Variants in ZFHX3 observed in about 807,000 individuals in gnomAD.
The protein encoded by ZFHX3 is zinc finger homeobox protein 3.
ZFHX3 carries 42 observed loss-of-function variants against 279.1 expected under a neutral mutation model. The ratio of observed to expected loss-of-function variants is 0.15; its 90% CI spans 0.12 to 0.19. The LOEUF is 0.19. ZFHX3 is among the 10% of genes least tolerant of loss of function. ZFHX3 has a pLI of 1.00. For missense variants in ZFHX3, 4,981 were observed against 4,754.0 expected (o/e 1.05, Z -1.40); for synonymous variants, 2,293 against 1,957.8 (o/e 1.17, Z -4.52).
At position 72,931,478 on chromosome 16, in the gene ZFHX3, C is replaced by T. The variant is rs560067804; in HGVS notation, c.3216+18991G>A. Among the ~76,000 whole-genome samples the T allele has an allele frequency of 1.1e-4, 15 of 140,128 alleles. No homozygotes were observed. The East Asian group carries it at 1.9e-3, about 17-fold the overall frequency. 91.9% of individuals were successfully genotyped at this position (140,128 alleles called of 152,430 possible). On this transcript the variant is annotated intron_variant, in intron 3 of 9. Coordinates refer to ENST00000268489, the MANE Select transcript of ZFHX3 (RefSeq NM_006885.4). ...ACACTCTTCAGCTTTCAAAAGAGGTCGGGGGAAGGGAGAAAACAATCATGA... is the reference window on the plus strand; with the variant it reads ...ACACTCTTCAGCTTTCAAAAGAGGTTGGGGGAAGGGAGAAAACAATCATGA...
chr16:73,828,200 TG>T, intron 1 of ZFHX3, among the ~76,000 whole-genome samples: 1 of 61,778 alleles, frequency 1.6e-5, no homozygotes, highest in African/African-American at 7.3e-5. Flanking sequence ...GTTTAAAGTC[TG>T]TTTTATCAGA....
chr16:73,554,062 T>C (rs1008596599), intron 2 of ZFHX3, among the ~76,000 whole-genome samples: 7 of 152,284 alleles, frequency 4.6e-5, no homozygotes, highest in Admixed American at 1.3e-4. Context: ...GGGAGTTAAG[T>C]AAATAAATTT....
chr16:73,705,388 G>A (rs985677915), intron 1 of ZFHX3, among the ~76,000 whole-genome samples: 3 of 152,096 alleles, frequency 2.0e-5, no homozygotes, highest in Non-Finnish European at 4.4e-5. Context: ...GGTGAGAGCA[G>A]CAAAGTAAAC....
intron 3 of ZFHX3, among the ~76,000 whole-genome samples, chr16:73,446,126 T>C (rs1273121790): frequency 6.6e-6 from 1 of 152,196 alleles, no homozygotes; most frequent in Non-Finnish European, 1.5e-5. Context: ...AGTTATGGTC[T>C]ATTAAGGTGT....
rs1272436540 is a variant in ZFHX3, at chr16:73,265,536, G to A, written c.-1193-8400C>T. On this transcript the variant is annotated intron_variant, in intron 4 of 17. Transcript: ENST00000641206. ...CAGGACTCTTGGAATAAGCTGAGATGCATTGACCACGCAGTTTGGAGCAAA... is the reference window on the plus strand; with the variant it reads ...CAGGACTCTTGGAATAAGCTGAGATACATTGACCACGCAGTTTGGAGCAAA... Among the ~76,000 whole-genome samples the A allele has an allele frequency of 2.6e-5, 4 of 152,178 alleles. No homozygotes were observed. In the East Asian group the frequency reaches 7.7e-4, roughly 29 times the overall value.
intron 2 of ZFHX3, among the ~76,000 whole-genome samples, chr16:73,552,255 T>C (rs1482638952): frequency 2.0e-5 from 3 of 152,332 alleles, no homozygotes; most frequent in Admixed American, 6.5e-5. Context: ...CTGCTTTCGG[T>C]AATTTTTCCC....
intron 1 of ZFHX3, among the ~76,000 whole-genome samples, chr16:73,844,780 G>C (rs1597140788): frequency 6.6e-6 from 1 of 151,820 alleles, no homozygotes; most frequent in East Asian, 1.9e-4. Flanking sequence ...AGACAATACA[G>C]AGATTAGTAG....
chr16:73,841,170 T>C (rs1284122966), intron 1 of ZFHX3, among the ~76,000 whole-genome samples: 1 of 152,126 alleles, frequency 6.6e-6, no homozygotes, highest in African/African-American at 2.4e-5. Context: ...CCTCACCCCA[T>C]ACCAGCCAGG....
intron 5 of ZFHX3, chr16:72,821,835 G>T (rs1222958960): frequency 6.6e-6 from 1 of 152,198 alleles, no homozygotes; most frequent in Non-Finnish European, 1.5e-5. Flanking sequence ...GCAAACATTT[G>T]TTGCTATGGT....
intron 6 of ZFHX3, among the ~76,000 whole-genome samples, chr16:73,131,956 A>C (rs1966691385): frequency 6.6e-6 from 1 of 152,100 alleles, no homozygotes; most frequent in African/African-American, 2.4e-5. Context: ...CAGAGATGCT[A>C]GGTATTATTA....
intron 5 of ZFHX3, among the ~76,000 whole-genome samples, chr16:73,163,038 G>A (rs987543241): frequency 5.9e-5 from 9 of 152,140 alleles, no homozygotes; most frequent in Admixed American, 4.6e-4. Context: ...GGATTTGATA[G>A]TGATTGGTAG....
intron 2 of ZFHX3, among the ~76,000 whole-genome samples, chr16:73,560,918 G>A (rs554782715): frequency 1.2e-4 from 19 of 152,232 alleles, no homozygotes; most frequent in African/African-American, 4.6e-4. Flanking sequence ...GGAAGATTTA[G>A]CCAAATAGGC....
chr16:73,610,772 T>C (rs1332852543), intron 2 of ZFHX3, among the ~76,000 whole-genome samples: 1 of 152,210 alleles, frequency 6.6e-6, no homozygotes, highest in Non-Finnish European at 1.5e-5. Context: ...AACAAATATG[T>C]TTATTTTCTC....
chr16:73,543,088 G>T (rs1638622260), intron 2 of ZFHX3, among the ~76,000 whole-genome samples: 1 of 152,176 alleles, frequency 6.6e-6, no homozygotes, highest in African/African-American at 2.4e-5. Flanking sequence ...TGAGGAGGAG[G>T]CTCGGCTCGG....
At chr16:73,303,228 G>A (rs953383994) in intron 4 of ZFHX3, among the ~76,000 whole-genome samples, 1 of 152,052 alleles carries the variant, frequency 6.6e-6, no homozygotes. Flanking sequence ...GGGTCTTGCT[G>A]TGTTGCCCAG....
rs1438881794 is a variant in ZFHX3 at position 72,797,951 on chromosome 16, A to T, written c.4731T>A (p.Leu1577=). Residue 1577 remains leucine (L), a synonymous_variant, in exon 9 of 10, where the codon CTT becomes CTA. Transcript: ENST00000268489. ...VSHLHKLKRA[L]QESATGQPEP... is the part of the protein sequence containing the mutation. ...CTGGCTGACCGGTTGCTGATTCTTG[A>T]AGGGCTCTCTTTAACTTATGCAGGT... is the stretch of plus-strand genomic sequence containing the variant. The T allele has an allele frequency of 6.2e-7, 1 of 1,614,166 alleles. No homozygotes were observed. The highest frequency in any genetic ancestry group is 8.5e-7 in the Non-Finnish European group (1 of 1,180,022).
intron 4 of ZFHX3, among the ~76,000 whole-genome samples, chr16:72,866,203 G>A (rs879537200): frequency 7.9e-5 from 12 of 152,178 alleles, no homozygotes; most frequent in Non-Finnish European, 1.8e-4. Flanking sequence ...CAGAGAGGGA[G>A]AGTGAGAGCA....
chr16:73,163,541 C>T (rs1175091105), intron 5 of ZFHX3, among the ~76,000 whole-genome samples: 1 of 152,234 alleles, frequency 6.6e-6, no homozygotes, highest in East Asian at 1.9e-4. Flanking sequence ...ACAGTATGGC[C>T]TGCAAAAACG....
intron 5 of ZFHX3, among the ~76,000 whole-genome samples, chr16:73,160,942 C>T (rs1032660533): frequency 5.3e-5 from 8 of 151,912 alleles, no homozygotes; most frequent in Non-Finnish European, 1.5e-5. Flanking sequence ...TCTGGTCTGG[C>T]TATAACTTTC....
Sources: gnomAD v4.1 joint callset for allele counts (sites outside exome capture counted in the v4.1 genomes callset) on GRCh38, gnomAD v4.1.1 for gene constraint, MANE v1.5 for transcripts, NCBI Gene and HGNC (gene_info 2026-07-23, HGNC 2026-07-21) for gene names.